The following GALNT13 variants were observed in gnomAD, a reference collection of about 807,000 sequenced individuals.
GALNT13 encodes polypeptide N-acetylgalactosaminyltransferase 13.
Under a neutral mutation model 64.2 loss-of-function variants are expected in GALNT13, and 28 were observed. The ratio of observed to expected loss-of-function variants is 0.44; its 90% CI spans 0.32 to 0.60. The LOEUF is 0.60. Ranked by LOEUF, GALNT13 falls within the 20% of genes least tolerant of loss-of-function variation. The pLI is 0.05. For synonymous variants in GALNT13, 214 were observed against 224.6 expected, an observed-to-expected ratio of 0.95 and a Z score of 0.42; for missense variants, 577 against 669.8, an observed-to-expected ratio of 0.86 and a Z score of 1.53.
In GALNT13 at chr2:154,244,177, TA is replaced by T. The variant is rs1235600517; in HGVS notation, c.686+1273del. 3.3e-5 allele frequency among the ~76,000 whole-genome samples: 5 copies of T among 152,310 alleles called. No individual in the cohort carries two copies. In the South Asian group the frequency reaches 6.2e-4, roughly 19 times the overall value. ...TCAATACGGTCATACATAGGCTATT[TA>T]TTTTTTTGATCTAACAACATAATTG... On this transcript the variant is annotated intron_variant, in intron 6 of 12. Transcript: ENST00000392825.
At chr2:153,452,574 C>T in the GALNT13 span, among the ~76,000 whole-genome samples, 1 of 151,500 alleles carries the variant, frequency 6.6e-6, no homozygotes, top group Non-Finnish European at 1.5e-5. Flanking sequence ...TTCTTTCTAT[C>T]TAGTATTATC....
chr2:153,315,817 G>A, the GALNT13 span, among the ~76,000 whole-genome samples: 5 of 152,148 alleles, frequency 3.3e-5, no homozygotes, highest in South Asian at 6.2e-4. Flanking sequence ...TTAAAAATTC[G>A]AGTTTATAAA....
chr2:153,253,751 G>A, the GALNT13 span, among the ~76,000 whole-genome samples: 2 of 121,296 alleles, frequency 1.6e-5, no homozygotes, highest in East Asian at 4.5e-4. Context: ...CTTTGGTTCT[G>A]TTTATATGCT....
chr2:153,239,937 C>A, the GALNT13 span, among the ~76,000 whole-genome samples: 2 of 152,086 alleles, frequency 1.3e-5, no homozygotes, highest in Non-Finnish European at 2.9e-5. Context: ...AGCAGTGAAG[C>A]CTTCAGGTCT....
At chr2:153,652,251 C>T in the GALNT13 span, among the ~76,000 whole-genome samples, 14 of 151,928 alleles carry the variant, frequency 9.2e-5, no homozygotes, top group East Asian at 2.5e-3. Context: ...AATATTTGAA[C>T]CTATTCTAAA....
the GALNT13 span, among the ~76,000 whole-genome samples, chr2:153,095,645 C>A: frequency 6.6e-6 from 1 of 152,084 alleles, no homozygotes; most frequent in Non-Finnish European, 1.5e-5. Flanking sequence ...CCCAAATGTC[C>A]ATCAATGATA....
chr2:153,391,413 G>T, the GALNT13 span, among the ~76,000 whole-genome samples: 1 of 152,038 alleles, frequency 6.6e-6, no homozygotes, highest in Admixed American at 6.6e-5. Context: ...AGTAATGATT[G>T]TGTCTTCTAT....
chr2:153,380,744 G>C, the GALNT13 span, among the ~76,000 whole-genome samples: 75 of 152,064 alleles, frequency 4.9e-4, 2 homozygotes, highest in East Asian at 0.012. Flanking sequence ...GGTTAATGGG[G>C]AATCATTGAA....
At chr2:153,629,193 T>A in the GALNT13 span, among the ~76,000 whole-genome samples, 1 of 123,540 alleles carries the variant, frequency 8.1e-6, no homozygotes, top group South Asian at 3.0e-4. Flanking sequence ...GGTGGTGATA[T>A]CCCCTTTATC....
chr2:153,909,482 A>T (rs1276805916), intron 2 of GALNT13, among the ~76,000 whole-genome samples: 3 of 151,938 alleles, frequency 2.0e-5, no homozygotes, highest in Admixed American at 6.6e-5. Flanking sequence ...GTTTAATAGG[A>T]GTGGTGAGAG....
the GALNT13 span, among the ~76,000 whole-genome samples, chr2:153,489,540 C>T: frequency 7.2e-5 from 11 of 152,074 alleles, no homozygotes; most frequent in Non-Finnish European, 1.5e-4. Flanking sequence ...TTTTTCCTAA[C>T]GCAAGGTTAT....
chr2:154,418,000 G>C (rs113776156), intron 11 of GALNT13, among the ~76,000 whole-genome samples: 2 of 151,532 alleles, frequency 1.3e-5, no homozygotes, highest in Non-Finnish European at 2.9e-5. Flanking sequence ...TCATTATGTT[G>C]TCATTCAATT....
At chr2:154,211,049 A>G (rs1296655088) in intron 4 of GALNT13, among the ~76,000 whole-genome samples, 1 of 152,164 alleles carries the variant, frequency 6.6e-6, no homozygotes, top group Non-Finnish European at 1.5e-5. Flanking sequence ...TCAAGTGGAT[A>G]TATCTAATAG....
At chr2:153,137,331 C>A in the GALNT13 span, among the ~76,000 whole-genome samples, 2 of 152,014 alleles carry the variant, frequency 1.3e-5, no homozygotes, top group African/African-American at 4.8e-5. Flanking sequence ...TTTATGAAAG[C>A]GCCCCAGGAA....
At chr2:153,301,877 T>TTG in the GALNT13 span, among the ~76,000 whole-genome samples, 54,494 of 145,868 alleles carry the variant, frequency 0.37, 10,142 homozygotes, top group Non-Finnish European at 0.44. Flanking sequence ...GTATTCCACT[T>TTG]TGTGTGTGTG....
chr2:153,477,988 C>A, the GALNT13 span: 1 of 529,442 alleles, frequency 1.9e-6, no homozygotes, highest in Non-Finnish European at 3.4e-6. Flanking sequence ...CAAAGTTCTG[C>A]GCCCTAATCG....
the GALNT13 span, among the ~76,000 whole-genome samples, chr2:153,174,467 AT>A: frequency 0.071 from 9,687 of 136,442 alleles, 753 homozygotes; most frequent in African/African-American, 0.22. Context: ...CACATTTTCT[AT>A]TTTTTTTTTT....
At chr2:154,237,225 A>G (rs1689237910) in intron 4 of GALNT13, among the ~76,000 whole-genome samples, 1 of 151,904 alleles carries the variant, frequency 6.6e-6, no homozygotes, top group South Asian at 2.1e-4. Context: ...TGCAGCATAT[A>G]CCAAAGAATG....
At chr2:153,251,209 G>A in the GALNT13 span, among the ~76,000 whole-genome samples, 1 of 152,104 alleles carries the variant, frequency 6.6e-6, no homozygotes, top group Admixed American at 6.5e-5. Flanking sequence ...TGTATTACTG[G>A]TATATGTTAC....
Sources: gnomAD v4.1 joint callset for allele counts (sites outside exome capture counted in the v4.1 genomes callset) on GRCh38, gnomAD v4.1.1 for gene constraint, MANE v1.5 for transcripts, NCBI Gene and HGNC (gene_info 2026-07-23, HGNC 2026-07-21) for gene names.